SEPTIN9: variants seen among roughly 807,000 people sequenced by gnomAD.
SEPTIN9 encodes septin 9, also known as septin-9.
In SEPTIN9, 13 loss-of-function variants were observed where a neutral mutation model predicts 56.6. The observed-to-expected ratio is 0.23, with a 90% CI of 0.15 to 0.37. The LOEUF (loss-of-function observed/expected upper bound fraction) is 0.37. Among genes scored for constraint, SEPTIN9 ranks in the 10% least tolerant of loss-of-function variants. The probability of loss-of-function intolerance (pLI) is 1.00; values close to 1 mark genes in which losing one functional copy is unlikely to be tolerated. For synonymous variants in SEPTIN9, 332 were observed against 334.1 expected (o/e 0.99, Z 0.07); for missense variants, 650 against 823.1 (o/e 0.79, Z 2.57).
intron 1 of SEPTIN9, among the ~76,000 whole-genome samples, chr17:77,289,442 C>G (rs909794882): frequency 2.4e-5 from 3 of 123,172 alleles, no homozygotes; most frequent in African/African-American, 9.6e-5. Context: ...GAGTTTCGCT[C>G]TTGTTGCCCA....
At chr17:77,365,109 A>T (rs1568015870) in intron 2 of SEPTIN9, among the ~76,000 whole-genome samples, 2 of 152,172 alleles carry the variant, frequency 1.3e-5, no homozygotes. Context: ...TCTCAAAACC[A>T]AGAGGGCTGA....
intron 2 of SEPTIN9, among the ~76,000 whole-genome samples, chr17:77,316,490 C>T (rs1215660786): frequency 6.6e-6 from 1 of 152,178 alleles, no homozygotes; most frequent in Non-Finnish European, 1.5e-5. Flanking sequence ...GTGCTCCAGC[C>T]CTGGCCGTCA....
At chr17:77,423,878 T>C (rs1382005116) in intron 3 of SEPTIN9, among the ~76,000 whole-genome samples, 2 of 152,124 alleles carry the variant, frequency 1.3e-5, no homozygotes, top group Non-Finnish European at 2.9e-5. Flanking sequence ...GCATGTGCTC[T>C]GGAAGCAGGT....
At chr17:77,448,526 C>A (rs1034717540) in intron 3 of SEPTIN9, among the ~76,000 whole-genome samples, 1 of 151,924 alleles carries the variant, frequency 6.6e-6, no homozygotes, top group Non-Finnish European at 1.5e-5. Context: ...GCTGCACTGT[C>A]CAGCATGATA....
At chr17:77,375,589 C>T (rs544181468) in intron 2 of SEPTIN9, 1 of 152,388 alleles carries the variant, frequency 6.6e-6, no homozygotes, top group South Asian at 2.1e-4. Flanking sequence ...AGTTTTGTGA[C>T]CCTGTAATTT....
At chr17:77,416,230 T>C (rs35489990) in intron 3 of SEPTIN9, among the ~76,000 whole-genome samples, 56,845 of 151,860 alleles carry the variant, frequency 0.37, 11,186 homozygotes, top group African/African-American at 0.43. Context: ...CTGGAGAGGG[T>C]CAAGGGCTGG....
Position 77,450,609 on chromosome 17 carries a change from C to T in SEPTIN9, c.722-31535C>T. On this transcript the variant is annotated intron_variant, in intron 3 of 11. Transcript: ENST00000427177. This position sits in a 1 kb window ranked among gnomAD's most constrained non-coding sequence, Gnocchi z 6.0. ...AGGCCCAGCCCCTATAGTGTCAGCT[C>T]CCTCCTCTGGGGACCCCCTTGCTTG... 2 of 985,752 alleles carry T rather than the reference C, an allele frequency of 2.0e-6. No homozygotes were observed. The highest frequency in any genetic ancestry group is 9.4e-5 in the South Asian group (2 of 21,298). 61.1% of individuals were successfully genotyped at this position (985,752 alleles called of 1,614,324 possible).
At chr17:77,454,136 GC>G in intron 3 of SEPTIN9, 1 of 985,860 alleles carries the variant, frequency 1.0e-6, no homozygotes, top group Non-Finnish European at 1.2e-6. Flanking sequence ...CTCCCCGCCG[GC>G]CCCTCTCTGC....
intron 2 of SEPTIN9, among the ~76,000 whole-genome samples, chr17:77,325,693 C>T (rs1468411863): frequency 1.3e-5 from 2 of 151,664 alleles, no homozygotes; most frequent in East Asian, 3.8e-4. Context: ...TCCCCTTGCT[C>T]GGCTCTCCCT....
At chr17:77,490,708 C>G (rs1405739956) in intron 7 of SEPTIN9, 34 bp from the exon 8 acceptor site, 2 of 1,502,086 alleles carry the variant, frequency 1.3e-6, no homozygotes, top group Non-Finnish European at 9.1e-7. Context: ...CCCCGCTCCC[C>G]CAGATGAGCC....
In SEPTIN9 at chr17:77,481,627, C is replaced by T. The variant is rs188968853; in HGVS notation, c.722-517C>T. 4.6e-5 allele frequency among the ~76,000 whole-genome samples: 7 copies of T among 150,866 alleles called. 1 individual carries two copies. The East Asian group carries it at 1.4e-3, about 29-fold the overall frequency. On this transcript the variant is annotated intron_variant, in intron 3 of 11. Coordinates refer to ENST00000427177, the MANE Select transcript of SEPTIN9 (RefSeq NM_001113491.2). The stretch of plus-strand genomic sequence containing the variant: ...ATCCCCGTTTCTTACAAGACCATCC[C>T]TCCTGTGTCTTGGCTCGTGGATCGG...
chr17:77,306,701 C>T (rs1029608859), intron 1 of SEPTIN9, among the ~76,000 whole-genome samples: 2 of 152,076 alleles, frequency 1.3e-5, no homozygotes, highest in East Asian at 3.9e-4. Flanking sequence ...TAGGGAAACC[C>T]TGATTCATAA....
chr17:77,288,833 G>T (rs2031396865), intron 1 of SEPTIN9, among the ~76,000 whole-genome samples: 1 of 152,190 alleles, frequency 6.6e-6, no homozygotes, highest in Non-Finnish European at 1.5e-5. Context: ...GTGAGCCGGT[G>T]GCGTAGACAC....
At chr17:77,493,325 G>T (rs915513686) in intron 10 of SEPTIN9, 2 of 528,176 alleles carry the variant, frequency 3.8e-6, no homozygotes, top group Non-Finnish European at 6.9e-6. Context: ...CAGGAGCTGG[G>T]ATGGGGGCCG....
At chr17:77,284,711 C>A (rs908792322) in intron 1 of SEPTIN9, among the ~76,000 whole-genome samples, 1 of 152,160 alleles carries the variant, frequency 6.6e-6, no homozygotes, top group Non-Finnish European at 1.5e-5. Context: ...CTTACTGCAA[C>A]CTCCGCCTCC....
At chr17:77,404,624 G>A (rs11077907) in intron 3 of SEPTIN9, among the ~76,000 whole-genome samples, 48,512 of 151,856 alleles carry the variant, frequency 0.32, 8,520 homozygotes, top group Non-Finnish European at 0.4. Flanking sequence ...GCCTGGAGAG[G>A]GTGTGGGTTT....
chr17:77,297,898 A>T (rs2031885848), intron 1 of SEPTIN9, among the ~76,000 whole-genome samples: 1 of 152,200 alleles, frequency 6.6e-6, no homozygotes, highest in African/African-American at 2.4e-5. Context: ...GGTCACAGAG[A>T]TGATGACAGC....
At position 77,436,052 on chromosome 17, in the gene SEPTIN9, T is replaced by G. The variant is rs1372115408; in HGVS notation, c.721+33349T>G. On this transcript the variant is annotated intron_variant, in intron 3 of 11. Transcript: ENST00000427177. The surrounding 1 kb of genome is among the most constrained non-coding windows in gnomAD (Gnocchi z 4.4). ...GTGTGTGTGTTTATGCATGGGTACT[T>G]TGCCATCCACACTGGCTTCCACGGC... Among the ~76,000 whole-genome samples the G allele has an allele frequency of 6.6e-6, 1 of 152,170 alleles. No individual in the cohort carries two copies. The highest frequency in any genetic ancestry group is 2.4e-5 in the African/African-American group (1 of 41,442).
rs2035951331 is a variant in SEPTIN9 at position 77,402,853 on chromosome 17, G to T, written c.721+150G>T. On this transcript the variant is annotated intron_variant, in intron 3 of 11. Transcript: ENST00000427177. This position sits in a 1 kb window ranked among gnomAD's most constrained non-coding sequence, Gnocchi z 6.6. Reference sequence around the variant, plus strand: ...AAGACCGGAATGCATGGGGGTGGGGGTCTGCAAGCTCAGGAGAGGTGGCTC... The same window carrying T: ...AAGACCGGAATGCATGGGGGTGGGGTTCTGCAAGCTCAGGAGAGGTGGCTC... The T allele has an allele frequency of 1.3e-6, 1 of 751,702 alleles. No homozygotes were observed. Among genetic ancestry groups the T allele is most frequent in the Non-Finnish European group, 2.1e-6 (1 of 480,686 alleles). The allele number at this position is 751,702 out of a possible 1,614,324, so 46.6% of individuals were successfully genotyped here.
Sources: gnomAD v4.1 joint callset for allele counts (sites outside exome capture counted in the v4.1 genomes callset) on GRCh38, gnomAD v4.1.1 for gene constraint, Gnocchi (gnomAD v3.1) non-coding constraint, MANE v1.5 for transcripts, NCBI Gene and HGNC (gene_info 2026-07-23, HGNC 2026-07-21) for gene names.